The following TRPC4 variants were observed in gnomAD, a reference collection of about 807,000 sequenced individuals.
The protein encoded by TRPC4 is transient receptor potential cation channel subfamily C member 4.
TRPC4 carries 49 observed loss-of-function variants against 99.4 expected under a neutral mutation model. That is an observed-to-expected ratio of 0.49 (90% CI 0.39 to 0.63). TRPC4 has a LOEUF of 0.63. Among genes scored for constraint, TRPC4 ranks in the 20% least tolerant of loss-of-function variants. The probability of loss-of-function intolerance (pLI) is 0.00; values close to 1 mark genes in which losing one functional copy is unlikely to be tolerated. For missense variants in TRPC4, 898 were observed against 1,152.9 expected, an observed-to-expected ratio of 0.78 and a Z score of 3.20; for synonymous variants, 454 against 425.9, an observed-to-expected ratio of 1.07 and a Z score of -0.81.
intron 8 of TRPC4, among the ~76,000 whole-genome samples, chr13:37,639,945 C>A (rs889274615): frequency 8.6e-5 from 13 of 151,914 alleles, no homozygotes; most frequent in Admixed American, 8.5e-4. Context: ...GTGGGGTAAG[C>A]ACAGGGCAGT....
At chr13:37,810,605 T>C (rs1204363391) in intron 1 of TRPC4, among the ~76,000 whole-genome samples, 1 of 152,118 alleles carries the variant, frequency 6.6e-6, no homozygotes, top group African/African-American at 2.4e-5. Flanking sequence ...CTTTCTGCTC[T>C]AAATCTTGAA....
chr13:37,665,840 C>CAAAAAAAAA (rs1168472231), intron 5 of TRPC4, among the ~76,000 whole-genome samples: 5 of 71,024 alleles, frequency 7.0e-5, no homozygotes, highest in African/African-American at 2.0e-4. Context: ...TCAGCTGAGA[C>CAAAAAAAAA]AAAAAAAAAA....
intron 1 of TRPC4, among the ~76,000 whole-genome samples, chr13:37,835,069 T>C (rs1388495895): frequency 6.6e-6 from 1 of 151,908 alleles, no homozygotes; most frequent in East Asian, 1.9e-4. Context: ...TTTTAAATCC[T>C]GCATATTGTC....
At chr13:37,745,459 T>TATATATGC (rs1555265741) in intron 3 of TRPC4, among the ~76,000 whole-genome samples, 3 of 86,860 alleles carry the variant, frequency 3.5e-5, no homozygotes, top group African/African-American at 2.6e-4. Context: ...TATATATATA[T>TATATATGC]ATATATATAT....
intron 1 of TRPC4, among the ~76,000 whole-genome samples, chr13:37,836,845 A>G (rs1042074069): frequency 3.9e-5 from 6 of 152,238 alleles, no homozygotes; most frequent in Non-Finnish European, 8.8e-5. Context: ...TCTCCAGCAC[A>G]TGTGAGAGGT....
intron 4 of TRPC4, among the ~76,000 whole-genome samples, chr13:37,680,004 C>G (rs1403616837): frequency 6.6e-6 from 1 of 152,142 alleles, no homozygotes; most frequent in African/African-American, 2.4e-5. Context: ...CATGAGAAAA[C>G]TAAGGCCCAA....
intron 2 of TRPC4, among the ~76,000 whole-genome samples, chr13:37,756,191 TACAC>T (rs1555267573): frequency 6.6e-6 from 1 of 152,206 alleles, no homozygotes; most frequent in Non-Finnish European, 1.5e-5. Flanking sequence ...CACACATACA[TACAC>T]ACACATGAAC....
rs1396117214 is a variant in TRPC4, at chr13:37,655,217, A to G, written c.1755T>C (p.Asn585=). 6 of 1,609,308 alleles carry G rather than the reference A, an allele frequency of 3.7e-6. No homozygotes were observed. In the African/African-American group the frequency reaches 5.4e-5, roughly 14 times the overall value. ...IFGLINLYVT[N]VKAQHEFTEF... ...CAGTAAATTCATGCTGTGCTTTGAC[A>G]TTGGTCACATATAAATTGATGAGCC... The change falls in exon 7 of 11, where the codon AAT becomes AAC. Residue 585 remains asparagine, a synonymous_variant. Transcript: ENST00000379705.
rs555898933 is a variant in TRPC4 at position 37,672,702 on chromosome 13, G to A, written c.1374+1526C>T. 7.2e-5 allele frequency among the ~76,000 whole-genome samples: 11 copies of A among 152,284 alleles called. No individual in the cohort carries two copies. In the South Asian group the frequency reaches 1.9e-3, roughly 26 times the overall value. ...GAAGAAGGGGACTGGAGAGCTAGGC[G>A]CTTAATCACAGACTGCCTACCTCTT... On this transcript the variant is annotated intron_variant, in intron 5 of 10. Transcript: ENST00000379705.
intron 3 of TRPC4, among the ~76,000 whole-genome samples, chr13:37,738,266 G>A (rs1315885986): frequency 2.6e-5 from 4 of 152,122 alleles, no homozygotes. Flanking sequence ...GGAGAAAGAT[G>A]GGAAAAATTT....
intron 2 of TRPC4, among the ~76,000 whole-genome samples, chr13:37,765,633 G>A (rs973760564): frequency 3.3e-5 from 5 of 151,304 alleles, no homozygotes; most frequent in African/African-American, 1.2e-4. Flanking sequence ...GAGAGAATGA[G>A]TGTATGAATA....
chr13:37,739,272 T>G (rs967078635), intron 3 of TRPC4, among the ~76,000 whole-genome samples: 1 of 152,002 alleles, frequency 6.6e-6, no homozygotes, highest in African/African-American at 2.4e-5. Context: ...AGAAGAAGCA[T>G]AAGGGAAAAG....
At chr13:37,841,851 C>A (rs843858) in intron 1 of TRPC4, among the ~76,000 whole-genome samples, 126,978 of 152,106 alleles carry the variant, frequency 0.83, 53,125 homozygotes, top group Middle Eastern at 0.91. Context: ...TGAAGCATGC[C>A]ACTATCATGT....
At chr13:37,703,853 A>G (rs1010763191) in intron 3 of TRPC4, among the ~76,000 whole-genome samples, 1 of 152,082 alleles carries the variant, frequency 6.6e-6, no homozygotes, top group Non-Finnish European at 1.5e-5. Context: ...AAAATAAAAT[A>G]GAAAATAAAA....
At chr13:37,702,329 T>A (rs114165738) in intron 3 of TRPC4, among the ~76,000 whole-genome samples, 2,470 of 152,324 alleles carry the variant, frequency 0.016, 68 homozygotes, top group African/African-American at 0.056. Flanking sequence ...AGCATGTCTT[T>A]TTGCCAGATA....
chr13:37,774,782 C>T (rs1382543097), intron 2 of TRPC4, among the ~76,000 whole-genome samples: 2 of 151,572 alleles, frequency 1.3e-5, no homozygotes, highest in African/African-American at 4.8e-5. Flanking sequence ...CTCATTTTGC[C>T]TGTAATCAGG....
intron 1 of TRPC4, among the ~76,000 whole-genome samples, chr13:37,833,911 T>C (rs1051351499): frequency 6.6e-6 from 1 of 152,242 alleles, no homozygotes. Context: ...AGTCTGACAG[T>C]ACAGTTTTAT....
Position 37,635,398 on chromosome 13 carries a change from A to G in TRPC4, c.*1505T>C, listed in dbSNP as rs1951487409. ...AACAGGAGCTACTTCAGAGGGCTGT[A>G]AAGAGCAGTACATAAATGTTAACAG... On this transcript the variant is annotated 3_prime_UTR_variant, in exon 11 of 11. Transcript: ENST00000379705. 6.6e-6 allele frequency among the ~76,000 whole-genome samples: 1 copy of G among 152,116 alleles called. No individual in the cohort carries two copies. Among genetic ancestry groups the G allele is most frequent in the Non-Finnish European group, 1.5e-5 (1 of 68,004 alleles).
intron 2 of TRPC4, among the ~76,000 whole-genome samples, chr13:37,758,675 C>G (rs962345937): frequency 2.0e-5 from 3 of 151,396 alleles, no homozygotes; most frequent in Admixed American, 2.0e-4. Flanking sequence ...AAGCTTAATT[C>G]GACATGTGTA....
Sources: allele counts gnomAD v4.1 joint callset (sites outside exome capture counted in the v4.1 genomes callset), GRCh38; gene constraint gnomAD v4.1.1; transcripts MANE v1.5; gene names NCBI Gene and HGNC (gene_info 2026-07-23, HGNC 2026-07-21).